CR1: variants seen among roughly 807,000 people sequenced by gnomAD.
CR1 encodes the protein complement receptor type 1.
CR1 carries 116 observed loss-of-function variants against 187.3 expected under a neutral mutation model. That is an observed-to-expected ratio of 0.62 (90% CI 0.53 to 0.72). The LOEUF is 0.72. CR1 is among the 30% of genes least tolerant of loss of function. The probability of loss-of-function intolerance (pLI) is 0.00; values close to 1 mark genes in which losing one functional copy is unlikely to be tolerated. For missense variants in CR1, 1,731 were observed against 2,110.7 expected, an observed-to-expected ratio of 0.82 and a Z score of 3.52; for synonymous variants, 576 against 747.1, an observed-to-expected ratio of 0.77 and a Z score of 3.73.
intron 1 of CR1, among the ~76,000 whole-genome samples, chr1:207,498,471 G>C (rs1365480249): frequency 6.6e-6 from 1 of 152,132 alleles, no homozygotes; most frequent in African/African-American, 2.4e-5. Context: ...ACTTAGATTA[G>C]CTGCAAATAG....
chr1:207,567,251 T>G (rs1190869006), intron 24 of CR1, among the ~76,000 whole-genome samples: 1 of 146,106 alleles, frequency 6.8e-6, no homozygotes, highest in Non-Finnish European at 1.5e-5. Context: ...CAAAGCCATC[T>G]GAATCCATTT....
chr1:207,506,849 TC>T, intron 3 of CR1, 36 bp downstream of exon 3: 1 of 1,535,766 alleles, frequency 6.5e-7, no homozygotes, highest in Non-Finnish European at 9.0e-7. Flanking sequence ...ATCTCTTGGT[TC>T]AAGAGTTCTA....
intron 28 of CR1, among the ~76,000 whole-genome samples, 169 bp from the exon 29 acceptor site, chr1:207,577,636 G>A (rs6695416): frequency 0.066 from 10,005 of 152,092 alleles, 1,094 homozygotes; most frequent in African/African-American, 0.23. Flanking sequence ...CAGACATGGT[G>A]GTGCATGCCT....
Position 207,580,275 on chromosome 1 carries a change from C to T in CR1, c.4972C>T (p.His1658Tyr), listed in dbSNP as rs778352919. ...GCCTCCAGAAATCCTGCATGGTGAG[C>T]ATACCCCAAGCCATCAGGACAACTT... The part of the protein sequence containing the change: ...QPPPEILHGE[H>Y]TPSHQDNFSP... Residue 1658 changes from histidine to tyrosine, a missense_variant, in exon 30 of 47, where the codon CAT becomes TAT. Physicochemically the swap from His to Tyr is moderately conservative, Grantham distance 83. Around this residue, in one of 5 missense-constraint regions of CR1, gnomAD observed 1,312 missense variants for 1,379.6 expected, o/e 0.95. Coordinates refer to ENST00000367049, the MANE Select transcript of CR1 (RefSeq NM_000651.6). The T allele has an allele frequency of 4.3e-6, 7 of 1,613,844 alleles. No individual in the cohort carries two copies. The highest frequency in any genetic ancestry group is 5.1e-6 in the Non-Finnish European group (6 of 1,179,832).
intron 23 of CR1, among the ~76,000 whole-genome samples, chr1:207,565,087 T>A (rs1287875257): frequency 1.3e-5 from 2 of 149,890 alleles, no homozygotes; most frequent in Non-Finnish European, 2.9e-5. Flanking sequence ...GTCATTACCT[T>A]GTTTATGTCC....
chr1:207,587,782 C>G (rs144648686), intron 34 of CR1, among the ~76,000 whole-genome samples: 256 of 152,322 alleles, frequency 1.7e-3, no homozygotes, highest in African/African-American at 5.9e-3. Context: ...ATTCAATTTG[C>G]TCAAATTTTG....
intron 3 of CR1, among the ~76,000 whole-genome samples, chr1:207,509,120 T>A (rs1659538436): frequency 1.3e-5 from 2 of 152,162 alleles, no homozygotes; most frequent in African/African-American, 4.8e-5. Flanking sequence ...TCCTAACCTA[T>A]CCACCTGGTT....
intron 35 of CR1, among the ~76,000 whole-genome samples, chr1:207,605,426 A>G (rs1661721725): frequency 6.6e-6 from 1 of 152,096 alleles, no homozygotes; most frequent in African/African-American, 2.4e-5. Context: ...ATCATTTGCA[A>G]CAGAAACATA....
intron 46 of CR1, among the ~76,000 whole-genome samples, chr1:207,632,437 G>A (rs1354949912): frequency 6.6e-6 from 1 of 152,064 alleles, no homozygotes; most frequent in African/African-American, 2.4e-5. Flanking sequence ...ATTTCAACAT[G>A]AACACAAACA....
rs1024724984 is a variant in CR1 at position 207,630,299 on chromosome 1, A to C, written c.7353-218A>C. Among the ~76,000 whole-genome samples, 7 of 152,228 alleles carry C rather than the reference A, an allele frequency of 4.6e-5. No individual in the cohort carries two copies. In the South Asian group the frequency reaches 1.4e-3, roughly 31 times the overall value. On this transcript the variant is annotated intron_variant, in intron 45 of 46. Transcript: ENST00000367049. Reference sequence around the variant, plus strand: ...AAACAATTTAGAGTACTCTGACAGAAAATATAGGATGATTTTAGTATTATT... The same window carrying C: ...AAACAATTTAGAGTACTCTGACAGACAATATAGGATGATTTTAGTATTATT...
At position 207,630,155 on chromosome 1, in the gene CR1, C is replaced by A. The variant is rs148316350; in HGVS notation, c.7353-362C>A. Among the ~76,000 whole-genome samples, 1,196 of 152,294 alleles carry A rather than the reference C, an allele frequency of 7.9e-3. 21 individuals carry two copies. Among genetic ancestry groups the A allele is most frequent in the African/African-American group, 0.027 (1,131 of 41,542 alleles). On this transcript the variant is annotated intron_variant, in intron 45 of 46. Coordinates refer to ENST00000367049, the MANE Select transcript of CR1 (RefSeq NM_000651.6). ...AAAAAGGAAGCCTCGTGTAACACTG[C>A]AGTGCAAAGTCATTCATGTTGTGCA...
At chr1:207,523,353 G>T (rs1190939481) in intron 4 of CR1, among the ~76,000 whole-genome samples, 2 of 152,160 alleles carry the variant, frequency 1.3e-5, no homozygotes, top group Admixed American at 1.3e-4. Context: ...TATGATCAAA[G>T]AGCTATTTAA....
At chr1:207,616,055 C>G (rs1319764728) in intron 40 of CR1, among the ~76,000 whole-genome samples, 1 of 152,140 alleles carries the variant, frequency 6.6e-6, no homozygotes, top group Non-Finnish European at 1.5e-5. Context: ...TGAGTAAAAA[C>G]AGCCTTACTG....
intron 27 of CR1, among the ~76,000 whole-genome samples, chr1:207,573,309 C>T (rs1752682): frequency 0.053 from 8,127 of 152,184 alleles, 758 homozygotes; most frequent in African/African-American, 0.18. Context: ...GTCCAGCACA[C>T]TTGCCAGCAT....
chr1:207,524,372 T>G (rs914621517), intron 5 of CR1, among the ~76,000 whole-genome samples: 6 of 151,936 alleles, frequency 3.9e-5, no homozygotes, highest in African/African-American at 1.5e-4. Context: ...AGTTACCAGT[T>G]GTTCTATGTT....
At chr1:207,517,849 CATT>C (rs1416948854) in intron 4 of CR1, among the ~76,000 whole-genome samples, 1 of 152,108 alleles carries the variant, frequency 6.6e-6, no homozygotes, top group African/African-American at 2.4e-5. Context: ...CCCTTACACT[CATT>C]AATTTCTGAT....
At chr1:207,606,965 G>A (rs1258868529) in intron 35 of CR1, among the ~76,000 whole-genome samples, 1 of 152,112 alleles carries the variant, frequency 6.6e-6, no homozygotes, top group African/African-American at 2.4e-5. Flanking sequence ...TAACTGCAAG[G>A]TTTCTGAAAG....
At chr1:207,506,888 T>C in intron 3 of CR1, 75 bp downstream of exon 3, 6 of 1,221,078 alleles carry the variant, frequency 4.9e-6, no homozygotes, top group Non-Finnish European at 7.1e-6. Flanking sequence ...TCTAGTCACA[T>C]GTCAGAAAGG....
At chr1:207,511,541 T>A in intron 3 of CR1, 28 bp from the exon 4 acceptor site, 1 of 1,603,504 alleles carries the variant, frequency 6.2e-7, no homozygotes, top group Non-Finnish European at 8.5e-7. Flanking sequence ...GTCTTTAGAA[T>A]GTAACATTCC....
Sources: gnomAD v4.1 joint callset for allele counts (sites outside exome capture counted in the v4.1 genomes callset) on GRCh38, gnomAD v4.1.1 for gene constraint, gnomAD v4.1.1 regional missense constraint, MANE v1.5 for transcripts, NCBI Gene and HGNC (gene_info 2026-07-23, HGNC 2026-07-21) for gene names.